The following ADAM2 variants were observed in gnomAD, a reference collection of about 807,000 sequenced individuals.
ADAM2 encodes disintegrin and metalloproteinase domain-containing protein 2.
A neutral mutation model predicts 99.3 loss-of-function variants in ADAM2; 101 were observed. The observed-to-expected ratio is 1.02, with a 90% confidence interval of 0.87 to 1.20. The LOEUF is 1.20. ADAM2 is among the 50% of genes most tolerant of loss of function. The probability of loss-of-function intolerance (pLI) is 0.00; values close to 1 mark genes in which losing one functional copy is unlikely to be tolerated. For synonymous variants in ADAM2, 323 were observed against 287.6 expected (o/e 1.12, Z -1.25); for missense variants, 948 against 878.7 (o/e 1.08, Z -1.00).
At chr8:39,745,020 G>T in intron 19 of ADAM2, 127 bp from the exon 20 acceptor site, 1 of 659,578 alleles carries the variant, frequency 1.5e-6, no homozygotes, top group South Asian at 2.1e-5. Flanking sequence ...CATTATTTGA[G>T]AATACCCTAT....
At chr8:39,786,076 T>C (rs1342883449) in intron 10 of ADAM2, among the ~76,000 whole-genome samples, 1 of 152,328 alleles carries the variant, frequency 6.6e-6, no homozygotes, top group South Asian at 2.1e-4. Context: ...AAATACTGCG[T>C]GTTCTCACTT....
At position 39,746,538 on chromosome 8, in the gene ADAM2, A is replaced by G; in HGVS notation, c.2108T>C (p.Ile703Thr). The change falls in exon 19 of 21, where the codon ATT (isoleucine) becomes ACT (threonine). Residue 703 changes from isoleucine to threonine, a missense_variant. Transcript: ENST00000265708. ...IPFFIIFCVL[I>T]AIMVKVNFQR... ...GAAATTAACTTTCACCATTATAGCA[A>G]TCAGTACACAGAAAATAATAAAGAA... 5 of 1,605,954 alleles carry G rather than the reference A, an allele frequency of 3.1e-6. No individual in the cohort carries two copies. The highest frequency in any genetic ancestry group is 1.1e-5 in the South Asian group (1 of 89,376).
intron 6 of ADAM2, among the ~76,000 whole-genome samples, chr8:39,817,124 C>A (rs1804976965): frequency 1.3e-5 from 2 of 150,562 alleles, no homozygotes; most frequent in African/African-American, 2.4e-5. Context: ...TGATTAAATC[C>A]TTGAAAAAAA....
intron 11 of ADAM2, 47 bp from the exon 12 acceptor site, chr8:39,769,622 A>T: frequency 3.0e-6 from 4 of 1,326,152 alleles, no homozygotes; most frequent in Admixed American, 1.8e-5. Context: ...GTTTCCATAA[A>T]CTACCTACCC....
intron 18 of ADAM2, among the ~76,000 whole-genome samples, chr8:39,748,001 G>A (rs1249859906): frequency 3.3e-5 from 5 of 151,878 alleles, no homozygotes; most frequent in African/African-American, 1.2e-4. Context: ...ATTATTTATT[G>A]CTGTATAAGA....
chr8:39,824,171 T>A (rs1805305602), intron 4 of ADAM2, among the ~76,000 whole-genome samples: 1 of 150,784 alleles, frequency 6.6e-6, no homozygotes, highest in African/African-American at 2.4e-5. Flanking sequence ...TAATCCCAGC[T>A]ACTTGGGAGG....
chr8:39,784,532 C>T (rs192746933), intron 10 of ADAM2, among the ~76,000 whole-genome samples: 55 of 152,102 alleles, frequency 3.6e-4, no homozygotes, highest in African/African-American at 6.5e-4. Flanking sequence ...CCATGCCTGG[C>T]GAATATTTAT....
chr8:39,777,128 C>G lies in ADAM2; in HGVS notation c.925G>C (p.Val309Leu), dbSNP rs376672589. 1 of 1,611,392 alleles carries G rather than the reference C, an allele frequency of 6.2e-7. No homozygotes were observed. The highest frequency in any genetic ancestry group is 1.7e-5 in the Admixed American group (1 of 59,810). The change falls in exon 11 of 21, where the codon GTT becomes CTT. Residue 309 changes from valine to leucine, a missense_variant. Coordinates refer to ENST00000265708, the MANE Select transcript of ADAM2 (RefSeq NM_001464.5). ...PRTISLESLA[V>L]ILAQLLSLSM... ...AGGCTCAATAATTGAGCTAAAATAA[C>G]TGCAAGTGATTCCAGACTTATGGTT...
intron 6 of ADAM2, among the ~76,000 whole-genome samples, chr8:39,814,060 A>G (rs1804817029): frequency 1.3e-5 from 2 of 151,946 alleles, no homozygotes; most frequent in African/African-American, 4.8e-5. Context: ...TCAGATGCCA[A>G]TTTTAAAAAT....
intron 10 of ADAM2, among the ~76,000 whole-genome samples, chr8:39,783,778 C>G (rs576525971): frequency 6.6e-6 from 1 of 152,008 alleles, no homozygotes; most frequent in East Asian, 1.9e-4. Flanking sequence ...GGTGAAACCC[C>G]CATCTCTACT....
chr8:39,792,651 C>CT (rs1803769660), intron 7 of ADAM2, among the ~76,000 whole-genome samples: 1 of 151,996 alleles, frequency 6.6e-6, no homozygotes, highest in Non-Finnish European at 1.5e-5. Flanking sequence ...AGAGCAGTGG[C>CT]TAAAGGCATT....
intron 19 of ADAM2, among the ~76,000 whole-genome samples, chr8:39,745,779 AG>A (rs1823417774): frequency 6.6e-6 from 1 of 152,084 alleles, no homozygotes; most frequent in Non-Finnish European, 1.5e-5. Flanking sequence ...AAATTCACTA[AG>A]ATATAGAAAT....
At chr8:39,749,233 GA>G (rs1823601698) in intron 18 of ADAM2, 78 bp downstream of exon 18, 2 of 1,314,812 alleles carry the variant, frequency 1.5e-6, no homozygotes, top group East Asian at 5.1e-5. Flanking sequence ...TAAATTGGTA[GA>G]CAAAATATTA....
chr8:39,756,688 T>C (rs554316699), intron 15 of ADAM2, among the ~76,000 whole-genome samples: 4 of 152,306 alleles, frequency 2.6e-5, no homozygotes, highest in African/African-American at 7.2e-5. Context: ...TTTCTCCCTT[T>C]GGCCAAAAGA....
intron 7 of ADAM2, among the ~76,000 whole-genome samples, chr8:39,801,523 A>G (rs903290984): frequency 2.6e-5 from 4 of 152,148 alleles, no homozygotes; most frequent in African/African-American, 9.7e-5. Context: ...GACTTGTTTA[A>G]TGAAGGACTT....
intron 11 of ADAM2, among the ~76,000 whole-genome samples, chr8:39,769,950 C>T (rs985019700): frequency 5.7e-4 from 77 of 134,696 alleles, no homozygotes; most frequent in Non-Finnish European, 8.6e-4. Context: ...TTTCTTTTTT[C>T]TTTTTTTTTT....
chr8:39,779,977 T>G (rs995681227), intron 10 of ADAM2, among the ~76,000 whole-genome samples: 1 of 152,176 alleles, frequency 6.6e-6, no homozygotes, highest in Non-Finnish European at 1.5e-5. Context: ...TTCACGCCAA[T>G]TCAAAGAGTG....
At chr8:39,787,702 T>C (rs924334701) in intron 9 of ADAM2, among the ~76,000 whole-genome samples, 9 of 151,658 alleles carry the variant, frequency 5.9e-5, no homozygotes, top group Non-Finnish European at 1.0e-4. Flanking sequence ...ACATAGTGTT[T>C]CAATTACTTT....
chr8:39,750,107 G>C (rs548817662), intron 16 of ADAM2, among the ~76,000 whole-genome samples: 1 of 152,170 alleles, frequency 6.6e-6, no homozygotes, highest in South Asian at 2.1e-4. Context: ...TTTGAGAACA[G>C]TTAAAACCTT....
Sources: gnomAD v4.1 joint callset for allele counts (sites outside exome capture counted in the v4.1 genomes callset) on GRCh38, gnomAD v4.1.1 for gene constraint, MANE v1.5 for transcripts, NCBI Gene and HGNC (gene_info 2026-07-23, HGNC 2026-07-21) for gene names.